FBXW7: variants seen among roughly 807,000 people sequenced by gnomAD.
The protein encoded by FBXW7 is F-box and WD repeat domain containing 7.
A neutral mutation model predicts 86.3 loss-of-function variants in FBXW7; 11 were observed. That is an observed-to-expected ratio of 0.13 (90% CI 0.08 to 0.21). The LOEUF is 0.21. Among genes scored for constraint, FBXW7 ranks in the 10% least tolerant of loss-of-function variants. FBXW7 has a pLI of 1.00. For synonymous variants in FBXW7, 313 were observed against 297.9 expected (o/e 1.05, Z -0.52); for missense variants, 488 against 847.4 (o/e 0.58, Z 5.27).
rs1186132542 is a variant in FBXW7, at chr4:152,322,704, CTCT to C, written c.*174_*176del. The C allele has an allele frequency of 4.7e-6, 5 of 1,058,188 alleles. No individual in the cohort carries two copies. The highest frequency in any genetic ancestry group is 2.0e-5 in the South Asian group (1 of 49,438). 65.5% of individuals were successfully genotyped at this position (1,058,188 alleles called of 1,614,324 possible). On this transcript the variant is annotated 3_prime_UTR_variant, in exon 14 of 14. Transcript: ENST00000281708. ...TCTCTTGTCAGTTATGGTTTGTCAT[CTCT>C]TCTTCTTTTCCTTCTTAGTCTGTAG...
intron 6 of FBXW7, among the ~76,000 whole-genome samples, chr4:152,341,426 T>C (rs1430597617): frequency 6.6e-6 from 1 of 152,188 alleles, no homozygotes. Flanking sequence ...CTCTCTAAAA[T>C]TGCAACCAGT....
intron 12 of FBXW7, 167 bp from the exon 13 acceptor site, chr4:152,324,561 G>A: frequency 1.7e-6 from 1 of 595,474 alleles, no homozygotes; most frequent in South Asian, 2.0e-5. Context: ...ATGCCATCAA[G>A]CAACTCTACA....
chr4:152,458,405 G>T (rs1408878602), intron 2 of FBXW7, among the ~76,000 whole-genome samples: 1 of 152,198 alleles, frequency 6.6e-6, no homozygotes, highest in East Asian at 1.9e-4. Flanking sequence ...TCTTTTAAGA[G>T]CATCTAACAA....
intron 4 of FBXW7, among the ~76,000 whole-genome samples, chr4:152,401,222 T>G (rs1022818603): frequency 1.3e-5 from 2 of 152,224 alleles, no homozygotes; most frequent in Admixed American, 1.3e-4. Flanking sequence ...ACTTAGTCCA[T>G]GCAAAATCCT....
In FBXW7 at chr4:152,413,938, C is replaced by G. The variant is rs115402143; in HGVS notation, c.-119-1409G>C. Among the ~76,000 whole-genome samples, 779 of 152,240 alleles carry G rather than the reference C, an allele frequency of 5.1e-3. 6 individuals are homozygous for G. The highest frequency in any genetic ancestry group is 0.01 in the Middle Eastern group (3 of 294). ...GTCCCTATAAATCACCACCGTTAAT[C>G]AAATACAGTTGATTCCCATTCACAG... On this transcript the variant is annotated intron_variant, in intron 2 of 13. Transcript: ENST00000281708.
intron 2 of FBXW7, among the ~76,000 whole-genome samples, chr4:152,457,895 T>A (rs1023074264): frequency 2.6e-5 from 4 of 151,954 alleles, no homozygotes; most frequent in Admixed American, 6.6e-5. Flanking sequence ...GTACTCAGTT[T>A]CCAATTCATT....
At chr4:152,342,073 T>C (rs1730800652) in intron 6 of FBXW7, among the ~76,000 whole-genome samples, 1 of 152,174 alleles carries the variant, frequency 6.6e-6, no homozygotes, top group African/African-American at 2.4e-5. Context: ...AGTACTTCCT[T>C]TGGCCTTTCA....
At chr4:152,418,149 A>G (rs1288689327) in intron 2 of FBXW7, among the ~76,000 whole-genome samples, 1 of 151,890 alleles carries the variant, frequency 6.6e-6, no homozygotes, top group Non-Finnish European at 1.5e-5. Context: ...ACACACACAC[A>G]CACACACACA....
intron 4 of FBXW7, among the ~76,000 whole-genome samples, chr4:152,372,882 G>A (rs189083071): frequency 6.6e-5 from 10 of 151,956 alleles, no homozygotes; most frequent in Admixed American, 5.3e-4. Context: ...GTGCTAAGTC[G>A]CTTTGTACTC....
intron 2 of FBXW7, among the ~76,000 whole-genome samples, chr4:152,465,524 C>A (rs1743324859): frequency 6.6e-6 from 1 of 152,024 alleles, no homozygotes; most frequent in Non-Finnish European, 1.5e-5. Flanking sequence ...ATAACATAAA[C>A]CATAAGAATA....
intron 11 of FBXW7, among the ~76,000 whole-genome samples, chr4:152,327,152 A>T (rs982047203): frequency 1.3e-5 from 2 of 152,062 alleles, no homozygotes; most frequent in African/African-American, 4.8e-5. Context: ...TAAAGGGTTG[A>T]GAGAACCCTT....
intron 2 of FBXW7, among the ~76,000 whole-genome samples, chr4:152,477,279 TAA>T (rs1432560279): frequency 6.6e-6 from 1 of 152,128 alleles, no homozygotes; most frequent in South Asian, 2.1e-4. Context: ...TAGAAAAATA[TAA>T]AAGTTCTAAG....
At chr4:152,465,963 T>C (rs1468660805) in intron 2 of FBXW7, among the ~76,000 whole-genome samples, 2 of 151,942 alleles carry the variant, frequency 1.3e-5, no homozygotes, top group Non-Finnish European at 1.5e-5. Flanking sequence ...CCTAGCACTA[T>C]AAAATCTCAT....
intron 2 of FBXW7, among the ~76,000 whole-genome samples, chr4:152,466,601 T>A (rs912427092): frequency 6.6e-6 from 1 of 151,742 alleles, no homozygotes; most frequent in African/African-American, 2.4e-5. Context: ...AGGAAAAACT[T>A]ACATATTCCA....
intron 2 of FBXW7, among the ~76,000 whole-genome samples, chr4:152,413,401 G>A (rs1738150480): frequency 6.6e-6 from 1 of 152,082 alleles, no homozygotes; most frequent in South Asian, 2.1e-4. Flanking sequence ...GAATAGAAAT[G>A]ATTCAAGGTC....
At chr4:152,339,228 A>G (rs986252580) in intron 6 of FBXW7, among the ~76,000 whole-genome samples, 2 of 152,178 alleles carry the variant, frequency 1.3e-5, no homozygotes, top group African/African-American at 4.8e-5. Flanking sequence ...TGCTTCTACA[A>G]ATACATGTAT....
intron 2 of FBXW7, among the ~76,000 whole-genome samples, chr4:152,442,713 C>G (rs1254634510): frequency 6.6e-6 from 1 of 152,194 alleles, no homozygotes; most frequent in East Asian, 1.9e-4. Context: ...CTTTGACAGT[C>G]TGAATTAGGA....
chr4:152,415,034 C>G (rs1199698281), intron 2 of FBXW7, among the ~76,000 whole-genome samples: 1 of 152,020 alleles, frequency 6.6e-6, no homozygotes, highest in Non-Finnish European at 1.5e-5. Flanking sequence ...TTCTCAATAA[C>G]CTTGTTTTTC....
At chr4:152,529,322 T>C (rs1425259923) in intron 2 of FBXW7, among the ~76,000 whole-genome samples, 2 of 152,150 alleles carry the variant, frequency 1.3e-5, no homozygotes, top group Non-Finnish European at 2.9e-5. Flanking sequence ...TTCTAAAAGA[T>C]GTACTAACAT....
Sources: allele counts gnomAD v4.1 joint callset (sites outside exome capture counted in the v4.1 genomes callset), GRCh38; gene constraint gnomAD v4.1.1; transcripts MANE v1.5; gene names NCBI Gene and HGNC (gene_info 2026-07-23, HGNC 2026-07-21).